Variants in MICU3 observed in about 807,000 individuals in gnomAD.
MICU3 encodes mitochondrial calcium uptake 3.
MICU3 carries 62 observed loss-of-function variants against 66.5 expected under a neutral mutation model. That is an observed-to-expected ratio of 0.93 (90% CI 0.76 to 1.15). MICU3 has a LOEUF of 1.15. Among genes scored for constraint, MICU3 ranks in the 50% most tolerant of loss-of-function variants. MICU3 has a pLI of 0.00. For synonymous variants in MICU3, 308 were observed against 240.7 expected (o/e 1.28, Z -2.59); for missense variants, 779 against 664.4 (o/e 1.17, Z -1.90).
chr8:17,091,296 C>T (rs997092107), intron 8 of MICU3, among the ~76,000 whole-genome samples: 6 of 152,064 alleles, frequency 3.9e-5, no homozygotes, highest in Non-Finnish European at 8.8e-5. Flanking sequence ...TAAAGGAGAA[C>T]AGGCCATGGC....
intron 5 of MICU3, among the ~76,000 whole-genome samples, chr8:17,083,531 A>G (rs1821503589): frequency 1.3e-5 from 2 of 152,292 alleles, no homozygotes; most frequent in South Asian, 4.1e-4. Flanking sequence ...CTAAACAAGA[A>G]GCAACTGAAT....
intron 11 of MICU3, among the ~76,000 whole-genome samples, chr8:17,107,423 G>T (rs1801829910): frequency 6.6e-6 from 1 of 152,140 alleles, no homozygotes; most frequent in Admixed American, 6.6e-5. Context: ...AAAGTAAGTG[G>T]ACAGGAAAAT....
intron 1 of MICU3, among the ~76,000 whole-genome samples, chr8:17,048,445 C>T (rs1209123919): frequency 6.6e-6 from 1 of 152,162 alleles, no homozygotes; most frequent in African/African-American, 2.4e-5. Context: ...TTATATAAAA[C>T]CATCAGATCT....
chr8:17,033,051 G>A (rs1812364375), intron 1 of MICU3, among the ~76,000 whole-genome samples: 2 of 152,056 alleles, frequency 1.3e-5, no homozygotes, highest in African/African-American at 4.8e-5. Flanking sequence ...CTCTTCTCGG[G>A]CCTCCCTGTT....
intron 3 of MICU3, among the ~76,000 whole-genome samples, chr8:17,074,590 C>CATGT (rs1359381863): frequency 1.3e-3 from 186 of 142,014 alleles, no homozygotes; most frequent in African/African-American, 3.9e-3. Context: ...GATGTTAAAA[C>CATGT]GTGTGTGTGT....
rs1818305316 is a variant in MICU3 at position 17,064,128 on chromosome 8, C to T, written c.426C>T (p.Ala142=). ...RTDIEDLDLY[A]TSRERRFRLF... ...ACATTGAAGACTTAGACCTTTATGC[C>T]ACATCTCGGGAGAGGCGATTTCGTT... The change falls in exon 2 of 15, where the codon GCC becomes GCT. Residue 142 remains alanine, a synonymous_variant. Coordinates refer to ENST00000318063, the MANE Select transcript of MICU3 (RefSeq NM_181723.3). 1.2e-6 allele frequency: 2 copies of T among 1,613,070 alleles called. No homozygotes were observed. Among genetic ancestry groups the T allele is most frequent in the African/African-American group, 1.3e-5 (1 of 74,982 alleles).
chr8:17,122,947 A>G (rs1028553526), downstream of MICU3, among the ~76,000 whole-genome samples: 1 of 152,058 alleles, frequency 6.6e-6, no homozygotes, highest in African/African-American at 2.4e-5. Context: ...TGTAGGTATC[A>G]TCTTACTAAG....
At chr8:17,069,063 A>G (rs1340635579) in intron 2 of MICU3, among the ~76,000 whole-genome samples, 2 of 152,148 alleles carry the variant, frequency 1.3e-5, no homozygotes, top group Admixed American at 6.5e-5. Flanking sequence ...AGGAATCACA[A>G]AAAGAAAGTG....
intron 11 of MICU3, among the ~76,000 whole-genome samples, chr8:17,110,036 C>T (rs1171339314): frequency 6.6e-6 from 1 of 152,166 alleles, no homozygotes; most frequent in African/African-American, 2.4e-5. Flanking sequence ...CCATTTACAT[C>T]AGTTACCAAT....
At chr8:17,031,585 C>G (rs575159867) in intron 1 of MICU3, among the ~76,000 whole-genome samples, 1 of 151,818 alleles carries the variant, frequency 6.6e-6, no homozygotes, top group Non-Finnish European at 1.5e-5. Flanking sequence ...TGCACCCAGC[C>G]CATTTATTAT....
intron 11 of MICU3, among the ~76,000 whole-genome samples, chr8:17,109,488 G>A (rs1040515707): frequency 1.3e-5 from 2 of 152,038 alleles, no homozygotes; most frequent in African/African-American, 4.8e-5. Flanking sequence ...AGAATAAGGT[G>A]CAGCTGAAGA....
At chr8:17,128,054 G>T in the MICU3 span, among the ~76,000 whole-genome samples, 212 of 152,252 alleles carry the variant, frequency 1.4e-3, no homozygotes, top group African/African-American at 4.9e-3. Context: ...AACTGGAATG[G>T]TTGGGAGCCT....
rs987080327 is a variant in MICU3 at position 17,081,658 on chromosome 8, T to C, written c.647-35T>C. On this transcript the variant is annotated intron_variant, in intron 4 of 14. Coordinates refer to ENST00000318063, the MANE Select transcript of MICU3 (RefSeq NM_181723.3). ...AGCATTTATTGCTTCTAGAACAATA[T>C]TTTATATATATAACTGATACTATTT... The C allele has an allele frequency of 1.4e-5, 9 of 639,748 alleles. No individual in the cohort carries two copies. The African/African-American group carries it at 1.7e-4, about 12-fold the overall frequency. The allele number at this position is 639,748 out of a possible 1,614,324, so 39.6% of individuals were successfully genotyped here.
intron 6 of MICU3, 130 bp downstream of exon 6, chr8:17,085,448 T>C (rs536832798): frequency 3.8e-6 from 2 of 530,238 alleles, no homozygotes; most frequent in African/African-American, 1.9e-5. Flanking sequence ...CTTTACTTAA[T>C]AAAGTATAAT....
chr8:17,063,910 T>C (rs1480131233), intron 1 of MICU3, among the ~76,000 whole-genome samples, 174 bp from the exon 2 acceptor site: 1 of 152,168 alleles, frequency 6.6e-6, no homozygotes, highest in Non-Finnish European at 1.5e-5. Flanking sequence ...CGAATATTAA[T>C]TTATTTTATT....
chr8:17,051,030 C>T (rs894772447), intron 1 of MICU3, among the ~76,000 whole-genome samples: 3 of 152,082 alleles, frequency 2.0e-5, no homozygotes, highest in African/African-American at 7.2e-5. Context: ...TTCTGGTCTT[C>T]AATTGGTTAC....
At chr8:17,055,739 C>T (rs1199641898) in intron 1 of MICU3, among the ~76,000 whole-genome samples, 1 of 152,158 alleles carries the variant, frequency 6.6e-6, no homozygotes, top group East Asian at 1.9e-4. Context: ...GATCCCACTC[C>T]CAGCCCCTGT....
Position 17,118,735 on chromosome 8 carries a change from C to T in MICU3, c.1553C>T (p.Thr518Ile), listed in dbSNP as rs1174296667. Residue 518 changes from threonine to isoleucine, a missense_variant, in exon 14 of 15, where the codon ACT (threonine) becomes ATT (isoleucine). Thr to Ile is a moderately conservative substitution (Grantham distance 89). Transcript: ENST00000318063. The part of the protein sequence containing the change: ...RGYKTVQKYP[T>I]FKSCLKKELH... ...TATAAAACAGTCCAGAAGTACCCCACTTTCAAATCCTGCCTGAAGAAAGAA... is the reference window on the plus strand; with the variant it reads ...TATAAAACAGTCCAGAAGTACCCCATTTTCAAATCCTGCCTGAAGAAAGAA... The T allele has an allele frequency of 6.2e-7, 1 of 1,612,644 alleles. No individual in the cohort carries two copies. Among genetic ancestry groups the T allele is most frequent in the Non-Finnish European group, 8.5e-7 (1 of 1,178,908 alleles).
chr8:17,131,457 G>C, the MICU3 span: 1 of 152,446 alleles, frequency 6.6e-6, no homozygotes, highest in East Asian at 1.9e-4. Context: ...CTGAGTGTCA[G>C]AGGGAGCTGG....
Sources: allele counts gnomAD v4.1 joint callset (sites outside exome capture counted in the v4.1 genomes callset), GRCh38; gene constraint gnomAD v4.1.1; transcripts MANE v1.5; gene names NCBI Gene and HGNC (gene_info 2026-07-23, HGNC 2026-07-21).